Variants in ZC3H12D observed in about 807,000 individuals in gnomAD.
The protein encoded by ZC3H12D is zinc finger CCCH-type containing 12D.
A neutral mutation model predicts 24.2 loss-of-function variants in ZC3H12D; 11 were observed. The observed-to-expected ratio is 0.46, with a 90% CI of 0.29 to 0.75. ZC3H12D has a LOEUF of 0.75. ZC3H12D is among the 30% of genes least tolerant of loss of function. The pLI, the probability that ZC3H12D is intolerant of heterozygous loss-of-function variation, is 0.11. For synonymous variants in ZC3H12D, 333 were observed against 341.8 expected (o/e 0.97, Z 0.28); for missense variants, 740 against 767.7 (o/e 0.96, Z 0.43).
At chr6:149,479,437 C>T (rs1779615091) in intron 1 of ZC3H12D, among the ~76,000 whole-genome samples, 1 of 152,112 alleles carries the variant, frequency 6.6e-6, no homozygotes. Flanking sequence ...ATATGCTTTC[C>T]TCTCTACTTG....
chr6:149,453,185 C>T, intron 4 of ZC3H12D, among the ~76,000 whole-genome samples: 1 of 151,038 alleles, frequency 6.6e-6, no homozygotes, highest in East Asian at 1.9e-4. Flanking sequence ...CCTTTAGTCC[C>T]AGCTACTCGG....
At position 149,449,925 on chromosome 6, in the gene ZC3H12D, C is replaced by CTCTGTGTGTGTG. The variant is rs1554268600; in HGVS notation, c.*757_*758insCACACACACAGA. The CTCTGTGTGTGTG allele has an allele frequency of 6.9e-6, 1 of 143,990 alleles. No individual in the cohort carries two copies. Among genetic ancestry groups the CTCTGTGTGTGTG allele is most frequent in the African/African-American group, 2.6e-5 (1 of 38,244 alleles). 8.9% of individuals were successfully genotyped at this position (143,990 alleles called of 1,614,324 possible). A position where few individuals can be genotyped will look rare whatever the true frequency, so the allele number is the denominator to read the frequency against. ...TGTGAGTATGTACATGTATGATAGA[C>CTCTGTGTGTGTG]TGTGTGTGTGTGTGTGTGTGTGTGT... is the stretch of plus-strand genomic sequence containing the variant. On this transcript the variant is annotated 3_prime_UTR_variant, in exon 6 of 6. Transcript: ENST00000409806.
intron 3 of ZC3H12D, chr6:149,459,827 T>C: frequency 1.5e-6 from 1 of 649,726 alleles, no homozygotes; most frequent in East Asian, 2.7e-5. Context: ...CCAGGTATAC[T>C]AAAGTGAAAA....
chr6:149,481,260 A>G (rs1776421670), intron 1 of ZC3H12D, among the ~76,000 whole-genome samples: 1 of 151,800 alleles, frequency 6.6e-6, no homozygotes, highest in South Asian at 2.2e-4. Context: ...AAAGAAAGAA[A>G]GGAAGAGGGA....
At chr6:149,474,774 CAGA>C (rs1404590714) in intron 1 of ZC3H12D, among the ~76,000 whole-genome samples, 161 bp from the exon 2 acceptor site, 1 of 152,246 alleles carries the variant, frequency 6.6e-6, no homozygotes, top group Non-Finnish European at 1.5e-5. Flanking sequence ...TGTGGAGCTG[CAGA>C]AGCAATCACG....
At chr6:149,453,136 A>C (rs1425845247) in intron 4 of ZC3H12D, among the ~76,000 whole-genome samples, 1 of 149,344 alleles carries the variant, frequency 6.7e-6, no homozygotes, top group African/African-American at 2.6e-5. Context: ...AGCAAAAAAA[A>C]AAAAAAAAAA....
chr6:149,471,578 AAG>A (rs1776243767), intron 2 of ZC3H12D, among the ~76,000 whole-genome samples: 1 of 152,252 alleles, frequency 6.6e-6, no homozygotes, highest in South Asian at 2.1e-4. Context: ...TGTCTATTGA[AAG>A]CTGTGACTCT....
chr6:149,474,498 C>A lies in ZC3H12D; in HGVS notation c.46G>T (p.Asp16Tyr). 1 of 1,555,838 alleles carries A rather than the reference C, an allele frequency of 6.4e-7. No homozygotes were observed. The highest frequency in any genetic ancestry group is 1.2e-5 in the South Asian group (1 of 85,072). ...KMEFFQKLGY[D>Y]REDVLRVLGK... ...AACACCCGGAGCACATCCTCCCGGT[C>A]ATAGCCCAGCTTCTGGAAGAATTCC... The change falls in exon 2 of 6, where the codon GAC becomes TAC. Residue 16 changes from aspartate to tyrosine, a missense_variant. Coordinates refer to ENST00000409806, the MANE Select transcript of ZC3H12D (RefSeq NM_207360.3).
At chr6:149,451,507 C>G in intron 5 of ZC3H12D, 28 bp from the exon 6 acceptor site, 2 of 1,540,208 alleles carry the variant, frequency 1.3e-6, no homozygotes, top group Non-Finnish European at 1.7e-6. Flanking sequence ...AGAGAGGGCG[C>G]GACGTGAGGC....
Position 149,452,707 on chromosome 6 carries a change from A to G in ZC3H12D, c.696T>C (p.Asp232=), listed in dbSNP as rs536278938. The part of the protein sequence containing the change: ...SFVNDRFMPP[D]DPLGRHGPSL... ...AGGGTCCATGGCGGCCCAGGGGGTC[A>G]TCAGGCGGCATGAACCTGGAAAATA... The change falls in exon 5 of 6, where the codon GAT becomes GAC. Residue 232 remains aspartate, a synonymous_variant. Transcript: ENST00000409806. The surrounding 1 kb of genome is among the most constrained non-coding windows in gnomAD (Gnocchi z 4.0). 1 of 1,604,310 alleles carries G rather than the reference A, an allele frequency of 6.2e-7. No homozygotes were observed. Among genetic ancestry groups the G allele is most frequent in the African/African-American group, 1.3e-5 (1 of 74,818 alleles).
chr6:149,460,353 C>G (rs1201828253), intron 3 of ZC3H12D, among the ~76,000 whole-genome samples: 1 of 129,770 alleles, frequency 7.7e-6, no homozygotes, highest in East Asian at 2.0e-4. Flanking sequence ...ATAAGGGATA[C>G]TCAACTGTAT....
intron 1 of ZC3H12D, among the ~76,000 whole-genome samples, chr6:149,480,800 G>T (rs1490227117): frequency 2.6e-5 from 4 of 152,132 alleles, no homozygotes; most frequent in Admixed American, 6.5e-5. Context: ...TGGAGGGGCA[G>T]GGAAGGCCAA....
At chr6:149,470,674 C>A (rs1302280656) in intron 2 of ZC3H12D, among the ~76,000 whole-genome samples, 2 of 152,224 alleles carry the variant, frequency 1.3e-5, no homozygotes, top group Non-Finnish European at 2.9e-5. Context: ...AGGGCTCAAG[C>A]CAGGTGACCT....
In ZC3H12D at chr6:149,451,358, GGCGCCC is replaced by G; in HGVS notation, c.903_908del (p.Gly302_Ala303del). 1 of 1,448,068 alleles carries G rather than the reference GGCGCCC, an allele frequency of 6.9e-7. No homozygotes were observed. The highest frequency in any genetic ancestry group is 9.0e-7 in the Non-Finnish European group (1 of 1,106,356). 89.7% of individuals were successfully genotyped at this position (1,448,068 alleles called of 1,614,324 possible). ...GGGCTCTCGGTGGCCGCTGCTCCTC[GGCGCCC>G]GCGCCAGGCCGGGCCCCTGTCTTGG... On this transcript the variant is annotated inframe_deletion, in exon 6 of 6. Coordinates refer to ENST00000409806, the MANE Select transcript of ZC3H12D (RefSeq NM_207360.3).
chr6:149,460,076 A>G (rs976915129), intron 3 of ZC3H12D, among the ~76,000 whole-genome samples: 1 of 152,068 alleles, frequency 6.6e-6, no homozygotes, highest in African/African-American at 2.4e-5. Context: ...TGGTGGAAAC[A>G]CTCTTCTGTG....
intron 3 of ZC3H12D, among the ~76,000 whole-genome samples, chr6:149,458,907 A>G (rs1289975433): frequency 6.6e-6 from 1 of 152,130 alleles, no homozygotes; most frequent in Non-Finnish European, 1.5e-5. Context: ...TTTTCTGTAA[A>G]CAGCTTATTC....
chr6:149,465,537 G>A (rs1211428598), intron 2 of ZC3H12D, among the ~76,000 whole-genome samples: 3 of 152,024 alleles, frequency 2.0e-5, no homozygotes, highest in African/African-American at 4.8e-5. Context: ...AAAGGATCAC[G>A]AGGTCAGGAG....
Position 149,474,534 on chromosome 6 carries a change from G to T in ZC3H12D, c.10C>A (p.Pro4Thr). 1 of 1,525,968 alleles carries T rather than the reference G, an allele frequency of 6.6e-7. No individual in the cohort carries two copies. Among genetic ancestry groups the T allele is most frequent in the Non-Finnish European group, 8.9e-7 (1 of 1,128,558 alleles). The allele number at this position is 1,525,968 out of a possible 1,614,324, so 94.5% of individuals were successfully genotyped here. A position where few individuals can be genotyped will look rare whatever the true frequency, so the allele number is the denominator to read the frequency against. MEH[P>T]SKMEFFQKLG... The stretch of plus-strand genomic sequence containing the variant: ...TTCTGGAAGAATTCCATCTTGCTGG[G>T]GTGCTCCATGCTGTGCCCAGCGGCC... The change falls in exon 2 of 6, where the codon CCC becomes ACC. Residue 4 changes from proline (P) to threonine (T), a missense_variant. Pro to Thr is a conservative substitution (Grantham distance 38). Coordinates refer to ENST00000409806, the MANE Select transcript of ZC3H12D (RefSeq NM_207360.3).
At chr6:149,472,808 G>A (rs923552832) in intron 2 of ZC3H12D, among the ~76,000 whole-genome samples, 2 of 152,108 alleles carry the variant, frequency 1.3e-5, no homozygotes, top group Non-Finnish European at 2.9e-5. Context: ...GAAGGTCTTT[G>A]ATTTAAGCAT....
Sources: gnomAD v4.1 joint callset for allele counts (sites outside exome capture counted in the v4.1 genomes callset) on GRCh38, gnomAD v4.1.1 for gene constraint, Gnocchi (gnomAD v3.1) non-coding constraint, MANE v1.5 for transcripts, NCBI Gene and HGNC (gene_info 2026-07-23, HGNC 2026-07-21) for gene names.